The following EFCAB6 variants were observed in gnomAD, a reference collection of about 807,000 sequenced individuals.
The protein encoded by EFCAB6 is EF-hand calcium-binding domain-containing protein 6.
EFCAB6 carries 156 observed loss-of-function variants against 169.8 expected under a neutral mutation model. The ratio of observed to expected loss-of-function variants is 0.92; its 90% CI spans 0.81 to 1.05. The LOEUF (loss-of-function observed/expected upper bound fraction) is 1.05, where lower values mean the gene tolerates loss of function less well. Ranked by LOEUF, EFCAB6 falls within the 50% of genes least tolerant of loss-of-function variation. The probability of loss-of-function intolerance (pLI) is 0.00; values close to 1 mark genes in which losing one functional copy is unlikely to be tolerated. For missense variants in EFCAB6, 1,800 were observed against 1,829.1 expected (o/e 0.98, Z 0.29); for synonymous variants, 698 against 676.4 (o/e 1.03, Z -0.50).
intron 7 of EFCAB6, among the ~76,000 whole-genome samples, chr22:43,734,657 G>A (rs1185868656): frequency 6.6e-6 from 1 of 151,852 alleles, no homozygotes; most frequent in African/African-American, 2.4e-5. Context: ...TCTTATTCTG[G>A]ACACTTTCCC....
chr22:43,557,742 T>C lies in EFCAB6; in HGVS notation c.3421-2646A>G, dbSNP rs919566448. On this transcript the variant is annotated intron_variant, in intron 26 of 31. Coordinates refer to ENST00000262726, the MANE Select transcript of EFCAB6 (RefSeq NM_022785.4). ...GAAAAAATAAAAGTCAGTCTAGTTA[T>C]GGCCATTAGTGCAAAAATTCTAAAA... Among the ~76,000 whole-genome samples the C allele has an allele frequency of 1.1e-4, 16 of 152,340 alleles. 1 individual carries two copies. The highest frequency in any genetic ancestry group is 2.9e-4 in the African/African-American group (12 of 41,592).
chr22:43,712,845 T>A (rs1457644150), intron 9 of EFCAB6, among the ~76,000 whole-genome samples: 9 of 152,154 alleles, frequency 5.9e-5, no homozygotes, highest in Non-Finnish European at 1.2e-4. Context: ...AGAAAATGGG[T>A]AAGGTATGAA....
At chr22:43,703,582 T>G (rs2058842649) in intron 10 of EFCAB6, among the ~76,000 whole-genome samples, 1 of 119,168 alleles carries the variant, frequency 8.4e-6, no homozygotes, top group South Asian at 2.3e-4. Context: ...GCTACAAGAA[T>G]AGATAGACTA....
intron 17 of EFCAB6, among the ~76,000 whole-genome samples, chr22:43,638,034 C>A (rs921408905): frequency 3.3e-5 from 5 of 152,188 alleles, no homozygotes; most frequent in Non-Finnish European, 2.9e-5. Flanking sequence ...CCTCAGCAGC[C>A]TGTCCAGCGG....
intron 6 of EFCAB6, among the ~76,000 whole-genome samples, chr22:43,754,753 G>A (rs1244467048): frequency 6.6e-6 from 1 of 152,164 alleles, no homozygotes; most frequent in African/African-American, 2.4e-5. Context: ...TTCTGCTGCT[G>A]TGATAATTGT....
At chr22:43,649,181 A>C (rs1445491038) in intron 17 of EFCAB6, among the ~76,000 whole-genome samples, 1 of 152,256 alleles carries the variant, frequency 6.6e-6, no homozygotes, top group South Asian at 2.1e-4. Flanking sequence ...TTGTGAGAGC[A>C]GAGATAAATA....
intron 26 of EFCAB6, among the ~76,000 whole-genome samples, chr22:43,574,334 G>A (rs2147239017): frequency 6.6e-6 from 1 of 152,162 alleles, no homozygotes; most frequent in Non-Finnish European, 1.5e-5. Context: ...CTTCTTTAAG[G>A]CAGGGTAGTG....
intron 30 of EFCAB6, 78 bp downstream of exon 30, chr22:43,534,610 G>C: frequency 7.4e-7 from 1 of 1,355,648 alleles, no homozygotes; most frequent in Non-Finnish European, 9.9e-7. Context: ...AATAGAGTAA[G>C]ACCCTGTCTT....
intron 17 of EFCAB6, among the ~76,000 whole-genome samples, chr22:43,649,844 G>A (rs2056377410): frequency 1.3e-5 from 2 of 152,224 alleles, no homozygotes; most frequent in Non-Finnish European, 2.9e-5. Flanking sequence ...TAATCTGGGA[G>A]CAGGGCAAGG....
At chr22:43,773,873 T>C (rs537090342) in intron 3 of EFCAB6, among the ~76,000 whole-genome samples, 5 of 151,880 alleles carry the variant, frequency 3.3e-5, no homozygotes, top group Non-Finnish European at 7.4e-5. Context: ...ATGTTTTGAG[T>C]GGTCTAAATA....
chr22:43,791,667 C>A (rs61260976), intron 2 of EFCAB6, among the ~76,000 whole-genome samples: 6,402 of 152,130 alleles, frequency 0.042, 149 homozygotes, highest in Non-Finnish European at 0.052. Flanking sequence ...CCCTAAGGCA[C>A]CACCGAGGAC....
chr22:43,540,441 G>T (rs764486644), intron 27 of EFCAB6, 84 bp from the exon 28 acceptor site: 4 of 1,594,892 alleles, frequency 2.5e-6, no homozygotes, highest in East Asian at 2.2e-5. Context: ...AGTGGGACAG[G>T]CCGGCCTCGC....
chr22:43,639,110 T>C (rs1448303343), intron 17 of EFCAB6, among the ~76,000 whole-genome samples: 1 of 152,212 alleles, frequency 6.6e-6, no homozygotes, highest in Non-Finnish European at 1.5e-5. Flanking sequence ...TCTAAATATG[T>C]TATAAATCCC....
At position 43,711,467 on chromosome 22, in the gene EFCAB6, A is replaced by C. The variant is rs2059157330; in HGVS notation, c.1031+8T>G. 1.3e-6 allele frequency: 2 copies of C among 1,573,186 alleles called. No homozygotes were observed. Among genetic ancestry groups the C allele is most frequent in the Non-Finnish European group, 1.7e-6 (2 of 1,166,694 alleles). ...AAAAAAATGTCAAGGAAACAATGAGACTCTTACCTTTTCATTAACTGGATA... is the reference window on the plus strand; with the variant it reads ...AAAAAAATGTCAAGGAAACAATGAGCCTCTTACCTTTTCATTAACTGGATA... On this transcript the variant is annotated splice_region_variant and intron_variant, in intron 10 of 31. Coordinates refer to ENST00000262726, the MANE Select transcript of EFCAB6 (RefSeq NM_022785.4).
intron 9 of EFCAB6, chr22:43,716,576 T>C (rs2059338856): frequency 2.6e-6 from 1 of 386,516 alleles, no homozygotes; most frequent in Non-Finnish European, 4.6e-6. Flanking sequence ...CGTTACTCAA[T>C]AACGTTGCAT....
intron 9 of EFCAB6, among the ~76,000 whole-genome samples, chr22:43,714,911 A>G (rs966979129): frequency 2.6e-5 from 4 of 152,230 alleles, no homozygotes; most frequent in Admixed American, 2.0e-4. Flanking sequence ...AATTCATGCA[A>G]ATATAAAACA....
At chr22:43,607,010 C>T (rs1375487727) in intron 22 of EFCAB6, among the ~76,000 whole-genome samples, 1 of 152,122 alleles carries the variant, frequency 6.6e-6, no homozygotes, top group African/African-American at 2.4e-5. Flanking sequence ...GGCCAGCACC[C>T]CCAGCCATCC....
intron 24 of EFCAB6, among the ~76,000 whole-genome samples, chr22:43,582,963 G>C (rs1476940282): frequency 2.0e-5 from 3 of 152,158 alleles, no homozygotes; most frequent in African/African-American, 7.2e-5. Context: ...ACCTCTGATA[G>C]CAAGGACATA....
chr22:43,614,239 A>G (rs188273843), intron 21 of EFCAB6, among the ~76,000 whole-genome samples: 14 of 146,564 alleles, frequency 9.6e-5, no homozygotes, highest in African/African-American at 3.5e-4. Flanking sequence ...AAGATTTACT[A>G]TAAGGCTACA....
Sources: gnomAD v4.1 joint callset for allele counts (sites outside exome capture counted in the v4.1 genomes callset) on GRCh38, gnomAD v4.1.1 for gene constraint, MANE v1.5 for transcripts, NCBI Gene and HGNC (gene_info 2026-07-23, HGNC 2026-07-21) for gene names.